CACNA2D3: variants seen among roughly 807,000 people sequenced by gnomAD.
CACNA2D3 encodes voltage-dependent calcium channel subunit alpha-2/delta-3.
Under a neutral mutation model 160.6 loss-of-function variants are expected in CACNA2D3, and 60 were observed. The observed-to-expected ratio is 0.37, with a 90% CI of 0.30 to 0.46. The LOEUF (loss-of-function observed/expected upper bound fraction) is 0.46. Among genes scored for constraint, CACNA2D3 ranks in the 20% least tolerant of loss-of-function variants. CACNA2D3 has a pLI of 1.00. For missense variants in CACNA2D3, 1,205 were observed against 1,365.0 expected (o/e 0.88, Z 1.85); for synonymous variants, 558 against 492.9 (o/e 1.13, Z -1.75).
intron 4 of CACNA2D3, among the ~76,000 whole-genome samples, chr3:54,405,780 A>G (rs1699564366): frequency 5.9e-5 from 9 of 152,148 alleles, no homozygotes; most frequent in Admixed American, 5.9e-4. Flanking sequence ...AATATTGGGA[A>G]AAATATTCAC....
intron 4 of CACNA2D3, among the ~76,000 whole-genome samples, chr3:54,471,650 C>G (rs781082883): frequency 1.3e-5 from 2 of 151,986 alleles, no homozygotes; most frequent in Middle Eastern, 3.2e-3. Flanking sequence ...AGCTAGACCA[C>G]TAGCCAGACT....
intron 14 of CACNA2D3, among the ~76,000 whole-genome samples, chr3:54,823,245 A>G (rs907943911): frequency 6.6e-6 from 1 of 152,068 alleles, no homozygotes; most frequent in Non-Finnish European, 1.5e-5. Context: ...GGGAAAAATC[A>G]GGGTTTACTC....
At chr3:54,204,357 G>T (rs183992216) in intron 2 of CACNA2D3, among the ~76,000 whole-genome samples, 15 of 138,150 alleles carry the variant, frequency 1.1e-4, no homozygotes, top group Admixed American at 8.2e-4. Context: ...TATGTATATG[G>T]CTCTGTTTCT....
intron 18 of CACNA2D3, among the ~76,000 whole-genome samples, chr3:54,874,251 G>A (rs1377600816): frequency 2.0e-5 from 3 of 152,192 alleles, no homozygotes; most frequent in African/African-American, 7.2e-5. Context: ...CAGGACTTCT[G>A]TCCCACTCTG....
rs773120984 is a variant in CACNA2D3, at chr3:54,816,874, A to G, written c.1398+4A>G. ...TCAGCTCCCTCAGGCACAAAAGGTA[A>G]ATTCTCTTCTGTCACATTCCAGTCA... is the stretch of plus-strand genomic sequence containing the variant. On this transcript the variant is annotated splice_donor_region_variant and intron_variant, in intron 14 of 37. Coordinates refer to ENST00000474759, the MANE Select transcript of CACNA2D3 (RefSeq NM_018398.3). 1 of 1,613,590 alleles carries G rather than the reference A, an allele frequency of 6.2e-7. No homozygotes were observed. Among genetic ancestry groups the G allele is most frequent in the Non-Finnish European group, 8.5e-7 (1 of 1,179,812 alleles).
intron 2 of CACNA2D3, among the ~76,000 whole-genome samples, chr3:54,186,205 A>G (rs1293592448): frequency 6.6e-6 from 1 of 152,198 alleles, no homozygotes; most frequent in East Asian, 1.9e-4. Flanking sequence ...GTGAATGAAT[A>G]TGATGTTGCA....
chr3:54,469,563 C>CTT (rs1700691642), intron 4 of CACNA2D3, among the ~76,000 whole-genome samples: 1 of 152,052 alleles, frequency 6.6e-6, no homozygotes, highest in Non-Finnish European at 1.5e-5. Context: ...GGGAACAAAA[C>CTT]TGGATGGAGA....
chr3:54,326,395 A>G (rs371563887), intron 3 of CACNA2D3, among the ~76,000 whole-genome samples: 6 of 152,324 alleles, frequency 3.9e-5, no homozygotes, highest in African/African-American at 1.4e-4. Context: ...TTTTATGGGA[A>G]TATATACAGT....
rs1425322974 is a variant in CACNA2D3 at position 55,033,836 on chromosome 3, AAT to A, written c.2987+15526_2987+15527del. ...TATATATTAAATATATTTAATATAT[AAT>A]ATATATTACATATTAAATATATTTA... On this transcript the variant is annotated intron_variant, in intron 35 of 37. Transcript: ENST00000474759. 3.6e-5 allele frequency among the ~76,000 whole-genome samples: 4 copies of A among 112,122 alleles called. 1 individual carries two copies. Among genetic ancestry groups the A allele is most frequent in the Non-Finnish European group, 6.7e-5 (4 of 60,054 alleles). The allele number at this position is 112,122 out of a possible 152,430, so 73.6% of individuals were successfully genotyped here.
At chr3:54,176,747 C>T (rs1367964520) in intron 2 of CACNA2D3, among the ~76,000 whole-genome samples, 3 of 152,142 alleles carry the variant, frequency 2.0e-5, no homozygotes, top group Middle Eastern at 3.2e-3. Flanking sequence ...GATTTAAAGC[C>T]TTCCTTTGTT....
intron 14 of CACNA2D3, among the ~76,000 whole-genome samples, chr3:54,832,367 GC>G (rs1202574387): frequency 6.6e-6 from 1 of 152,176 alleles, no homozygotes; most frequent in East Asian, 1.9e-4. Context: ...GAGCTTGACT[GC>G]TAAGAAACCT....
chr3:54,735,071 G>T (rs553351257), intron 11 of CACNA2D3, among the ~76,000 whole-genome samples: 1 of 152,188 alleles, frequency 6.6e-6, no homozygotes, highest in Non-Finnish European at 1.5e-5. Flanking sequence ...TTCTTCAGCC[G>T]CTAAAGAAGA....
intron 11 of CACNA2D3, among the ~76,000 whole-genome samples, chr3:54,715,762 T>G (rs917349037): frequency 2.6e-5 from 4 of 152,190 alleles, no homozygotes; most frequent in African/African-American, 9.7e-5. Context: ...AATGGAATAT[T>G]ATTCAGCCAT....
intron 5 of CACNA2D3, among the ~76,000 whole-genome samples, chr3:54,534,078 C>A (rs1488975835): frequency 1.3e-5 from 2 of 152,108 alleles, no homozygotes; most frequent in African/African-American, 4.8e-5. Context: ...TCCATTGCCA[C>A]CCTCCTTGCA....
chr3:54,885,663 A>G, intron 23 of CACNA2D3, 77 bp downstream of exon 23: 1 of 1,056,672 alleles, frequency 9.5e-7, no homozygotes, highest in South Asian at 1.4e-5. Context: ...TTTTGGCCTC[A>G]CTTGTTAAGG....
chr3:54,214,451 G>C (rs574758757), intron 2 of CACNA2D3, among the ~76,000 whole-genome samples: 1 of 152,250 alleles, frequency 6.6e-6, no homozygotes, highest in African/African-American at 2.4e-5. Flanking sequence ...TGGTCCCTAA[G>C]GGACAAGATC....
At chr3:54,326,812 A>C (rs963879574) in intron 3 of CACNA2D3, among the ~76,000 whole-genome samples, 1 of 152,230 alleles carries the variant, frequency 6.6e-6, no homozygotes, top group Admixed American at 6.5e-5. Context: ...ATCTCATCTC[A>C]GAATTTCAAA....
At chr3:55,034,274 TCTTAA>T (rs777580993) in intron 35 of CACNA2D3, among the ~76,000 whole-genome samples, 8 of 152,056 alleles carry the variant, frequency 5.3e-5, no homozygotes, top group African/African-American at 1.9e-4. Flanking sequence ...ATCATTGTTG[TCTTAA>T]CTTTTCTTTT....
At position 54,867,418 on chromosome 3, in the gene CACNA2D3, A is replaced by G. The variant is rs148876764; in HGVS notation, c.1627-4121A>G. Among the ~76,000 whole-genome samples the G allele has an allele frequency of 3.7e-4, 57 of 152,290 alleles. No individual in the cohort carries two copies. The East Asian group carries it at 8.9e-3, about 24-fold the overall frequency. On this transcript the variant is annotated intron_variant, in intron 17 of 37. Coordinates refer to ENST00000474759, the MANE Select transcript of CACNA2D3 (RefSeq NM_018398.3). ...GCACCAGTGTTTGTGAATACTTCAC[A>G]TAACATGTACTTTAAAAGCCATTCA...
Sources: allele counts gnomAD v4.1 joint callset (sites outside exome capture counted in the v4.1 genomes callset), GRCh38; gene constraint gnomAD v4.1.1; transcripts MANE v1.5; gene names NCBI Gene and HGNC (gene_info 2026-07-23, HGNC 2026-07-21).